Variants in RBBP8 observed in about 807,000 individuals in gnomAD.
RBBP8 encodes RB binding protein 8, endonuclease.
Under a neutral mutation model 108.3 loss-of-function variants are expected in RBBP8, and 88 were observed. That is an observed-to-expected ratio of 0.81 (90% CI 0.68 to 0.97). The LOEUF (loss-of-function observed/expected upper bound fraction) is 0.97, where lower values mean the gene tolerates loss of function less well. Ranked by LOEUF, RBBP8 falls within the 50% of genes least tolerant of loss-of-function variation. The probability of loss-of-function intolerance (pLI) is 0.00; values close to 1 mark genes in which losing one functional copy is unlikely to be tolerated. For synonymous variants in RBBP8, 332 were observed against 348.2 expected (o/e 0.95, Z 0.52); for missense variants, 1,023 against 1,049.0 (o/e 0.98, Z 0.34).
intron 18 of RBBP8, among the ~76,000 whole-genome samples, 182 bp from the exon 19 acceptor site, chr18:23,025,961 A>G (rs2046444349): frequency 6.6e-6 from 1 of 152,250 alleles, no homozygotes; most frequent in African/African-American, 2.4e-5. Context: ...ATTTGCTGTC[A>G]TTATTATAAA....
intron 4 of RBBP8, among the ~76,000 whole-genome samples, chr18:22,955,247 G>T (rs1912411667): frequency 6.6e-6 from 1 of 152,124 alleles, no homozygotes; most frequent in Admixed American, 6.5e-5. Flanking sequence ...CAGGGAGTCG[G>T]GGTGGGATGA....
chr18:22,960,817 T>G (rs1913031418), intron 4 of RBBP8, among the ~76,000 whole-genome samples: 1 of 152,226 alleles, frequency 6.6e-6, no homozygotes, highest in South Asian at 2.1e-4. Context: ...TACATAATTA[T>G]TTTTTAAATA....
chr18:23,014,133 G>T lies in RBBP8; in HGVS notation c.2358-2695G>T, dbSNP rs563454686. On this transcript the variant is annotated intron_variant, in intron 16 of 18. Coordinates refer to ENST00000327155, the MANE Select transcript of RBBP8 (RefSeq NM_002894.3). ...CGTGCCTCAGCCTCCCAAGTAGCTG[G>T]GATTACAGGCATGTGCCACCACGCC... is the stretch of plus-strand genomic sequence containing the variant. Among the ~76,000 whole-genome samples the T allele has an allele frequency of 2.1e-4, 32 of 152,120 alleles. No individual in the cohort carries two copies. The South Asian group carries it at 6.0e-3, about 29-fold the overall frequency.
upstream of RBBP8, among the ~76,000 whole-genome samples, chr18:22,932,081 T>G (rs1910064702): frequency 1.3e-5 from 2 of 152,068 alleles, no homozygotes; most frequent in Non-Finnish European, 2.9e-5. Flanking sequence ...GATATGGAAG[T>G]TAGGGATGAA....
At chr18:23,004,854 C>CT (rs1465666166) in intron 15 of RBBP8, 1 of 152,270 alleles carries the variant, frequency 6.6e-6, no homozygotes, top group Non-Finnish European at 1.5e-5. Context: ...ATAGCAACAC[C>CT]TGATCTCTAA....
intron 3 of RBBP8, among the ~76,000 whole-genome samples, chr18:22,921,076 A>C (rs1234600495): frequency 6.6e-6 from 1 of 152,218 alleles, no homozygotes; most frequent in Non-Finnish European, 1.5e-5. Flanking sequence ...AAAAATAGTG[A>C]AACAGAAATC....
At position 22,976,762 on chromosome 18, in the gene RBBP8, A is replaced by T. The variant is rs550540658; in HGVS notation, c.428+1543A>T. On this transcript the variant is annotated intron_variant, in intron 6 of 18. Transcript: ENST00000327155. ...TAGCTTATGGTATTTTGAACACATC[A>T]GCCTTGATCTTTATGAGTACCAAAG... Among the ~76,000 whole-genome samples the T allele has an allele frequency of 3.3e-5, 5 of 152,248 alleles. 1 individual carries two copies. The South Asian group carries it at 6.2e-4, about 19-fold the overall frequency.
chr18:22,951,466 GAA>G (rs904320747), intron 4 of RBBP8, among the ~76,000 whole-genome samples: 5 of 151,054 alleles, frequency 3.3e-5, no homozygotes, highest in Admixed American at 1.3e-4. Context: ...GATCTGTGTA[GAA>G]AAAAAAACCA....
At chr18:22,958,640 G>A (rs1912800991) in intron 4 of RBBP8, among the ~76,000 whole-genome samples, 1 of 152,068 alleles carries the variant, frequency 6.6e-6, no homozygotes, top group African/African-American at 2.4e-5. Flanking sequence ...CTACCTCCCA[G>A]GCCCAAGTGA....
intron 15 of RBBP8, 100 bp downstream of exon 15, chr18:23,001,829 T>G: frequency 7.0e-7 from 1 of 1,420,992 alleles, no homozygotes; most frequent in South Asian, 1.2e-5. Flanking sequence ...TATCAACAAT[T>G]GAAGTTTCAT....
Position 23,021,820 on chromosome 18 carries a change from C to CTT in RBBP8, c.2455-297_2455-296dup, listed in dbSNP as rs397735746. Among the ~76,000 whole-genome samples, 390 of 141,190 alleles carry CTT rather than the reference C, an allele frequency of 2.8e-3. 1 individual carries two copies. The highest frequency in any genetic ancestry group is 9.5e-3 in the African/African-American group (369 of 38,916). 92.6% of individuals were successfully genotyped at this position (141,190 alleles called of 152,430 possible). A position where few individuals can be genotyped will look rare whatever the true frequency, so the allele number is the denominator to read the frequency against. ...TAAGCACACTGTCAAGATCAGCTGG[C>CTT]TTTTTTTTTTTTTAATTGCAACACT... is the stretch of plus-strand genomic sequence containing the variant. On this transcript the variant is annotated intron_variant, in intron 17 of 18. Transcript: ENST00000327155.
At chr18:22,953,383 G>T (rs1352993365) in intron 4 of RBBP8, among the ~76,000 whole-genome samples, 1 of 152,182 alleles carries the variant, frequency 6.6e-6, no homozygotes, top group Non-Finnish European at 1.5e-5. Context: ...TACTCTTCCT[G>T]TTTAGTTGTT....
At chr18:22,950,016 G>C (rs2144490674) in intron 4 of RBBP8, 1 of 240,890 alleles carries the variant, frequency 4.2e-6, no homozygotes, top group East Asian at 9.6e-5. Flanking sequence ...TAAGTAGGTG[G>C]AAACTGCTTC....
chr18:22,923,611 T>G (rs1293507021), intron 3 of RBBP8, among the ~76,000 whole-genome samples: 1 of 152,206 alleles, frequency 6.6e-6, no homozygotes, highest in Non-Finnish European at 1.5e-5. Flanking sequence ...TAATCAGAGA[T>G]AGGGTCAGAA....
chr18:22,947,728 G>A (rs1410917671), intron 3 of RBBP8, among the ~76,000 whole-genome samples: 2 of 151,930 alleles, frequency 1.3e-5, no homozygotes, highest in Non-Finnish European at 2.9e-5. Flanking sequence ...TTTTGAAATT[G>A]CATGACTCTT....
At position 23,001,748 on chromosome 18, in the gene RBBP8, T is replaced by C. The variant is rs1567992385; in HGVS notation, c.2287+19T>C. The C allele has an allele frequency of 6.2e-7, 1 of 1,613,940 alleles. No homozygotes were observed. The highest frequency in any genetic ancestry group is 8.5e-7 in the Non-Finnish European group (1 of 1,179,808). ...CTACACAGTAAGATTTTTTTCTGTT[T>C]AATTATGGCTTCTCAGTTGCAGAAT... On this transcript the variant is annotated intron_variant, in intron 15 of 18. Transcript: ENST00000327155.
At chr18:22,980,698 CTT>C (rs1914848097) in intron 6 of RBBP8, among the ~76,000 whole-genome samples, 1 of 149,678 alleles carries the variant, frequency 6.7e-6, no homozygotes, top group Non-Finnish European at 1.5e-5. Context: ...ATCCATATGA[CTT>C]AAGTCTTTTT....
At chr18:22,975,060 T>C in intron 5 of RBBP8, 93 bp from the exon 6 acceptor site, 1 of 1,391,834 alleles carries the variant, frequency 7.2e-7, no homozygotes, top group Non-Finnish European at 9.7e-7. Flanking sequence ...AAGTACTAAT[T>C]TCTTCATACA....
intron 12 of RBBP8, among the ~76,000 whole-genome samples, chr18:22,995,541 C>T (rs2045840547): frequency 6.6e-6 from 1 of 152,160 alleles, no homozygotes; most frequent in Non-Finnish European, 1.5e-5. Context: ...TCTAGGTTTA[C>T]AACATTTTCA....
Sources: gnomAD v4.1 joint callset for allele counts (sites outside exome capture counted in the v4.1 genomes callset) on GRCh38, gnomAD v4.1.1 for gene constraint, MANE v1.5 for transcripts, NCBI Gene and HGNC (gene_info 2026-07-23, HGNC 2026-07-21) for gene names.